The following CCSER2 variants were observed in gnomAD, a reference collection of about 807,000 sequenced individuals.
CCSER2 encodes serine-rich coiled-coil domain-containing protein 2.
CCSER2 carries 46 observed loss-of-function variants against 92.3 expected under a neutral mutation model. The observed-to-expected ratio is 0.50, with a 90% confidence interval of 0.39 to 0.64. The LOEUF (loss-of-function observed/expected upper bound fraction) is 0.64, where lower values mean the gene tolerates loss of function less well. Ranked by LOEUF, CCSER2 falls within the 30% of genes least tolerant of loss-of-function variation. The pLI is 0.00. For synonymous variants in CCSER2, 433 were observed against 431.4 expected (o/e 1.00, Z -0.04); for missense variants, 1,244 against 1,238.9 (o/e 1.00, Z -0.06).
At position 84,431,445 on chromosome 10, in the gene CCSER2, T is replaced by TAA. The variant is rs34764465; in HGVS notation, c.1868+5562_1868+5563dup. The stretch of plus-strand genomic sequence containing the variant: ...CTATATATTTTTGTGGCATCTCATT[T>TAA]AAAAAAAAAAATTAGCCAGGTGCAG... On this transcript the variant is annotated intron_variant, in intron 5 of 9. Transcript: ENST00000372088. Among the ~76,000 whole-genome samples, 5 of 149,802 alleles carry TAA rather than the reference T, an allele frequency of 3.3e-5. No individual in the cohort carries two copies. In the South Asian group the frequency reaches 8.4e-4, roughly 25 times the overall value.
At chr10:84,512,199 A>G (rs1305279158) in intron 9 of CCSER2, among the ~76,000 whole-genome samples, 2 of 152,280 alleles carry the variant, frequency 1.3e-5, no homozygotes, top group East Asian at 3.9e-4. Flanking sequence ...CAAATGATGC[A>G]GTATAAATAG....
At chr10:84,406,044 G>A (rs897659056) in intron 3 of CCSER2, among the ~76,000 whole-genome samples, 3 of 152,128 alleles carry the variant, frequency 2.0e-5, no homozygotes, top group African/African-American at 2.4e-5. Flanking sequence ...AGAAAGAATC[G>A]AAATATCCTT....
At chr10:84,356,069 C>T (rs541294206) in intron 1 of CCSER2, among the ~76,000 whole-genome samples, 4 of 147,096 alleles carry the variant, frequency 2.7e-5, no homozygotes, top group Non-Finnish European at 5.9e-5. Flanking sequence ...TGCCATTGCA[C>T]TCCAGCCTGG....
At chr10:84,357,788 C>T (rs1442356359) in intron 1 of CCSER2, among the ~76,000 whole-genome samples, 2 of 152,126 alleles carry the variant, frequency 1.3e-5, no homozygotes, top group Non-Finnish European at 2.9e-5. Context: ...TTTGCTGGGC[C>T]ATTAGCTCTA....
intron 6 of CCSER2, among the ~76,000 whole-genome samples, chr10:84,450,172 A>T (rs995967470): frequency 2.0e-5 from 3 of 152,208 alleles, no homozygotes; most frequent in Non-Finnish European, 4.4e-5. Flanking sequence ...TCATGGTAGT[A>T]ATGGAGATAA....
intron 9 of CCSER2, among the ~76,000 whole-genome samples, chr10:84,486,511 T>C: frequency 6.6e-6 from 1 of 152,254 alleles, no homozygotes; most frequent in African/African-American, 2.4e-5. Flanking sequence ...TGAGCTTTTT[T>C]CATGTGTCTG....
intron 9 of CCSER2, among the ~76,000 whole-genome samples, chr10:84,478,505 C>T (rs544147046): frequency 6.6e-6 from 1 of 152,214 alleles, no homozygotes; most frequent in East Asian, 1.9e-4. Flanking sequence ...TAAAGCTTAG[C>T]CATAAGCCTT....
At chr10:84,457,631 TTATA>T (rs1375087871) in intron 6 of CCSER2, among the ~76,000 whole-genome samples, 3 of 90,480 alleles carry the variant, frequency 3.3e-5, no homozygotes, top group African/African-American at 1.1e-4. Context: ...TATTTATATA[TTATA>T]TATAATTATA....
intron 9 of CCSER2, among the ~76,000 whole-genome samples, chr10:84,507,861 T>C (rs1463522231): frequency 6.6e-6 from 1 of 152,178 alleles, no homozygotes; most frequent in Non-Finnish European, 1.5e-5. Flanking sequence ...GAAATACTGC[T>C]CCACACTGTG....
chr10:84,457,961 G>A (rs7907411), intron 6 of CCSER2, among the ~76,000 whole-genome samples: 53,884 of 151,384 alleles, frequency 0.36, 11,487 homozygotes, highest in East Asian at 0.5. Context: ...GGCCAGGCTG[G>A]TCTCAGAACT....
intron 6 of CCSER2, among the ~76,000 whole-genome samples, chr10:84,452,707 A>C (rs776430675): frequency 2.6e-5 from 4 of 152,214 alleles, no homozygotes; most frequent in Non-Finnish European, 5.9e-5. Flanking sequence ...AACAGTACCC[A>C]GCACTGGTCA....
At chr10:84,508,298 C>T (rs571131046) in intron 9 of CCSER2, among the ~76,000 whole-genome samples, 49 of 152,282 alleles carry the variant, frequency 3.2e-4, no homozygotes, top group East Asian at 3.9e-4. Flanking sequence ...AAGAAGGGAA[C>T]GCTGTTCTCT....
intron 3 of CCSER2, among the ~76,000 whole-genome samples, chr10:84,402,223 G>C (rs1039286889): frequency 6.6e-6 from 1 of 152,102 alleles, no homozygotes; most frequent in Non-Finnish European, 1.5e-5. Context: ...GCCCTGAAGC[G>C]ATCCATGCAA....
chr10:84,455,176 CTT>C (rs1417108907), intron 6 of CCSER2: 3 of 156,726 alleles, frequency 1.9e-5, no homozygotes, highest in Non-Finnish European at 4.2e-5. Context: ...TCTCAGGTGT[CTT>C]TATTAGCAGT....
chr10:84,391,220 C>T (rs1841499885), intron 3 of CCSER2: 9 of 1,123,656 alleles, frequency 8.0e-6, no homozygotes, highest in Middle Eastern at 2.2e-4. Context: ...GTGTAAGAGA[C>T]AATGAGGAAA....
intron 1 of CCSER2, among the ~76,000 whole-genome samples, chr10:84,356,224 G>C (rs903646439): frequency 6.6e-5 from 10 of 151,862 alleles, no homozygotes; most frequent in African/African-American, 2.4e-4. Context: ...TGAGATATTT[G>C]ATGGTTATTA....
chr10:84,446,525 A>G (rs1032486075), intron 6 of CCSER2, among the ~76,000 whole-genome samples: 25 of 152,170 alleles, frequency 1.6e-4, no homozygotes, highest in African/African-American at 5.1e-4. Context: ...CTTGGTAGCA[A>G]AGAACCAAAG....
chr10:84,395,223 TA>T (rs34500936), intron 3 of CCSER2, among the ~76,000 whole-genome samples: 26,535 of 129,352 alleles, frequency 0.21, 2,725 homozygotes, highest in Admixed American at 0.34. Flanking sequence ...GACCCTGTCT[TA>T]AAAAAAAAAA....
At chr10:84,492,251 GC>G (rs1848214488) in intron 9 of CCSER2, among the ~76,000 whole-genome samples, 1 of 150,932 alleles carries the variant, frequency 6.6e-6, no homozygotes, top group Non-Finnish European at 1.5e-5. Context: ...CTGCACTCCA[GC>G]CTGGGTGGCA....
Sources: gnomAD v4.1 joint callset for allele counts (sites outside exome capture counted in the v4.1 genomes callset) on GRCh38, gnomAD v4.1.1 for gene constraint, MANE v1.5 for transcripts, NCBI Gene and HGNC (gene_info 2026-07-23, HGNC 2026-07-21) for gene names.